Variants in ZNF273 observed in about 807,000 individuals in gnomAD.
The protein encoded by ZNF273 is zinc finger protein 273, also known as zinc finger protein 9.
Under a neutral mutation model 14.9 loss-of-function variants are expected in ZNF273, and 11 were observed. The ratio of observed to expected loss-of-function variants is 0.74; its 90% CI spans 0.46 to 1.22. The LOEUF (loss-of-function observed/expected upper bound fraction) is 1.22, where lower values mean the gene tolerates loss of function less well. Ranked by LOEUF, ZNF273 falls within the 50% of genes most tolerant of loss-of-function variation. ZNF273 has a pLI of 0.00. For synonymous variants in ZNF273, 199 were observed against 223.9 expected, an observed-to-expected ratio of 0.89 and a Z score of 0.99; for missense variants, 577 against 660.6, an observed-to-expected ratio of 0.87 and a Z score of 1.39.
intron 1 of ZNF273, among the ~76,000 whole-genome samples, chr7:64,910,202 C>T (rs1234203691): frequency 6.6e-6 from 1 of 151,772 alleles, no homozygotes; most frequent in African/African-American, 2.4e-5. Context: ...TCCATTTCTG[C>T]TTTTGTTGCA....
Position 64,903,337 on chromosome 7 carries a change from G to T in ZNF273, c.20G>T (p.Gly7Val), listed in dbSNP as rs1415889410. Residue 7 changes from glycine to valine, a missense_variant, in exon 1 of 4, where the codon GGT (glycine) becomes GTT (valine). Transcript: ENST00000476120. ...TGCTCTATGTCCTCTGCTCCTAGAG[G>T]TCCACCTTCTGTGGCCCCGTTACCT... MSSAPRGPPSVAPLPAG... is the reference protein window; with the variant it reads MSSAPRVPPSVAPLPAG... The T allele has an allele frequency of 6.2e-7, 1 of 1,613,184 alleles. No homozygotes were observed. The highest frequency in any genetic ancestry group is 8.5e-7 in the Non-Finnish European group (1 of 1,179,358).
At chr7:64,923,389 G>A in intron 3 of ZNF273, 1 of 455,100 alleles carries the variant, frequency 2.2e-6, no homozygotes, top group South Asian at 1.6e-5. Flanking sequence ...CACCCAGGTT[G>A]GAGTGCAGTG....
In ZNF273 at chr7:64,927,763, A is replaced by G; in HGVS notation, c.435A>G (p.Gln145=). The G allele has an allele frequency of 6.2e-7, 1 of 1,613,686 alleles. No individual in the cohort carries two copies. The highest frequency in any genetic ancestry group is 1.1e-5 in the South Asian group (1 of 90,898). Residue 145 remains glutamine (Q), a synonymous_variant, in exon 4 of 4, where the codon CAA becomes CAG. Transcript: ENST00000476120. ...GAAAATATGGACATGAGAATTTACA[A>G]TTAAGAAAAGGCTGTAAAAGTGCGG... ...RYGKYGHENL[Q]LRKGCKSADE...
downstream of ZNF273, chr7:64,882,779 G>C (rs1239086621): frequency 6.6e-6 from 1 of 152,322 alleles, no homozygotes; most frequent in Non-Finnish European, 1.5e-5. Flanking sequence ...TGCCTAGACG[G>C]AGTGGGGTGA....
At chr7:64,917,359 CAT>C (rs1257049658) in intron 1 of ZNF273, among the ~76,000 whole-genome samples, 12 of 152,250 alleles carry the variant, frequency 7.9e-5, no homozygotes, top group Admixed American at 4.6e-4. Flanking sequence ...AGAAAAGTAT[CAT>C]ATATAAACTG....
chr7:64,901,943 G>A (rs867194157), upstream of ZNF273, among the ~76,000 whole-genome samples: 8 of 151,628 alleles, frequency 5.3e-5, no homozygotes, highest in African/African-American at 1.7e-4. Context: ...CCGCTGCTTC[G>A]GGCGCGGTGG....
In ZNF273 at chr7:64,903,422, G is replaced by A. The variant is rs1170768379; in HGVS notation, c.102+3G>A. ...GACTCCCTGGAAGCCTAGAAATGGTGAGAGTGCCGGGTCCCAGATCCCGAG... is the reference window on the plus strand; with the variant it reads ...GACTCCCTGGAAGCCTAGAAATGGTAAGAGTGCCGGGTCCCAGATCCCGAG... On this transcript the variant is annotated splice_donor_region_variant and intron_variant, in intron 1 of 3. Transcript: ENST00000476120. 1.2e-6 allele frequency: 2 copies of A among 1,610,590 alleles called. No individual in the cohort carries two copies. Among genetic ancestry groups the A allele is most frequent in the Non-Finnish European group, 1.7e-6 (2 of 1,177,056 alleles).
chr7:64,917,675 T>A lies in ZNF273; in HGVS notation c.197T>A (p.Met66Lys), dbSNP rs1180978472. ...CAGCAGAATTTGTATAGGAATGTGA[T>A]GTTAGATAACTACAGAAACCTGGTC... ...TSQQNLYRNV[M>K]LDNYRNLVFL... Residue 66 changes from methionine to lysine, a missense_variant, in exon 2 of 4, where the codon ATG becomes AAG. This residue lies in a region of ZNF273 where 162 missense variants were observed against 203.5 expected (regional missense o/e 0.80). Transcript: ENST00000476120. The A allele has an allele frequency of 6.3e-7, 1 of 1,598,422 alleles. No homozygotes were observed. The highest frequency in any genetic ancestry group is 8.5e-7 in the Non-Finnish European group (1 of 1,170,364).
chr7:64,900,536 A>T (rs1461144130), upstream of ZNF273, among the ~76,000 whole-genome samples: 4 of 152,236 alleles, frequency 2.6e-5, no homozygotes, highest in Non-Finnish European at 5.9e-5. Flanking sequence ...TGCACTAGTG[A>T]ATGCCAGCAG....
At chr7:64,917,229 T>C (rs895294685) in intron 1 of ZNF273, 3 of 633,960 alleles carry the variant, frequency 4.7e-6, no homozygotes, top group Non-Finnish European at 6.8e-6. Flanking sequence ...ATTTTAAAGC[T>C]AGCTTGTAAC....
chr7:64,890,396 T>C (rs1490193107), downstream of ZNF273, among the ~76,000 whole-genome samples: 3 of 152,132 alleles, frequency 2.0e-5, no homozygotes, highest in Non-Finnish European at 4.4e-5. Flanking sequence ...AGCTGCGGTC[T>C]GGGTTTTGTG....
chr7:64,891,581 A>G (rs1170308403), downstream of ZNF273, among the ~76,000 whole-genome samples: 1 of 152,348 alleles, frequency 6.6e-6, no homozygotes, highest in East Asian at 1.9e-4. Flanking sequence ...AACAAGCAGC[A>G]TCAGAATTTC....
At position 64,904,251 on chromosome 7, in the gene ZNF273, GCTAACTTTTCTGTATTTTAGTAGAGT is replaced by G. The variant is rs765651881; in HGVS notation, c.102+835_102+860del. On this transcript the variant is annotated intron_variant, in intron 1 of 3. Transcript: ENST00000476120. Reference sequence around the variant, plus strand: ...TTACAGGCGCACGCCGCCACGCCCAGCTAACTTTTCTGTATTTTAGTAGAGTCTGGGTTTCACTGTGTTGCCCAGCC... The same window carrying G: ...TTACAGGCGCACGCCGCCACGCCCAGCTGGGTTTCACTGTGTTGCCCAGCC... Among the ~76,000 whole-genome samples, 495 of 152,274 alleles carry G rather than the reference GCTAACTTTTCTGTATTTTAGTAGAGT, an allele frequency of 3.3e-3. 4 individuals are homozygous for G. The highest frequency in any genetic ancestry group is 5.1e-3 in the Non-Finnish European group (346 of 68,014).
At chr7:64,909,436 C>T (rs1437856994) in intron 1 of ZNF273, among the ~76,000 whole-genome samples, 1 of 152,010 alleles carries the variant, frequency 6.6e-6, no homozygotes, top group East Asian at 1.9e-4. Context: ...AACATGGTGT[C>T]CAGGCTGGTC....
chr7:64,914,584 G>T (rs898604504), intron 1 of ZNF273, among the ~76,000 whole-genome samples: 1 of 152,110 alleles, frequency 6.6e-6, no homozygotes, highest in Non-Finnish European at 1.5e-5. Context: ...AGTTTGGTAG[G>T]AACAGGACAG....
downstream of ZNF273, among the ~76,000 whole-genome samples, chr7:64,883,763 G>A (rs1399498195): frequency 6.6e-6 from 1 of 152,156 alleles, no homozygotes; most frequent in Non-Finnish European, 1.5e-5. Context: ...CCTGCACCCC[G>A]GCCTCCTCTT....
At chr7:64,922,981 GAAA>G (rs1417920024) in intron 3 of ZNF273, among the ~76,000 whole-genome samples, 3 of 151,052 alleles carry the variant, frequency 2.0e-5, no homozygotes, top group African/African-American at 7.3e-5. Flanking sequence ...TAAAAAAAAA[GAAA>G]AAAAGAAAAT....
chr7:64,916,833 TAATAA>T (rs774815062), intron 1 of ZNF273, among the ~76,000 whole-genome samples: 8 of 152,098 alleles, frequency 5.3e-5, no homozygotes, highest in Non-Finnish European at 1.0e-4. Flanking sequence ...ACTTAAAGTA[TAATAA>T]AATAAAAGAG....
downstream of ZNF273, among the ~76,000 whole-genome samples, chr7:64,931,333 T>G (rs1794987780): frequency 6.6e-6 from 1 of 152,192 alleles, no homozygotes; most frequent in Non-Finnish European, 1.5e-5. Flanking sequence ...AATCTCCCCA[T>G]GCAGATGTTC....
Sources: gnomAD v4.1 joint callset for allele counts (sites outside exome capture counted in the v4.1 genomes callset) on GRCh38, gnomAD v4.1.1 for gene constraint, gnomAD v4.1.1 regional missense constraint, MANE v1.5 for transcripts, NCBI Gene and HGNC (gene_info 2026-07-23, HGNC 2026-07-21) for gene names.